Variants in TRIM14 observed in about 807,000 individuals in gnomAD.
TRIM14 encodes the protein tripartite motif-containing protein 14.
In TRIM14, 28 loss-of-function variants were observed where a neutral mutation model predicts 44.5. The observed-to-expected ratio is 0.63, with a 90% CI of 0.47 to 0.86. The LOEUF (loss-of-function observed/expected upper bound fraction) is 0.86. TRIM14 is among the 40% of genes least tolerant of loss of function. The pLI is 0.00. For missense variants in TRIM14, 607 were observed against 611.1 expected, an observed-to-expected ratio of 0.99 and a Z score of 0.07; for synonymous variants, 299 against 269.2, an observed-to-expected ratio of 1.11 and a Z score of -1.08.
downstream of TRIM14, among the ~76,000 whole-genome samples, chr9:98,065,008 G>A (rs535330228): frequency 1.0e-3 from 159 of 152,244 alleles, 2 homozygotes; most frequent in Non-Finnish European, 2.6e-4. Flanking sequence ...CTGCAACCTG[G>A]GGCAGGGGCC....
the TRIM14 span, among the ~76,000 whole-genome samples, chr9:98,043,238 C>T: frequency 6.6e-6 from 1 of 151,254 alleles, no homozygotes; most frequent in Non-Finnish European, 1.5e-5. Flanking sequence ...AGTGCAATGG[C>T]GCGATACTGG....
At chr9:98,039,047 TA>T in the TRIM14 span, among the ~76,000 whole-genome samples, 194 of 142,420 alleles carry the variant, frequency 1.4e-3, no homozygotes, top group African/African-American at 3.6e-3. Context: ...AGACTACGTC[TA>T]AAAAAAAAAA....
intron 5 of TRIM14, among the ~76,000 whole-genome samples, chr9:98,089,320 G>T (rs909600458): frequency 6.6e-6 from 1 of 152,138 alleles, no homozygotes; most frequent in Non-Finnish European, 1.5e-5. Flanking sequence ...AGGATTACAG[G>T]CACCTGCCAC....
rs367985551 is a variant in TRIM14 at position 98,103,048 on chromosome 9, G to A, written c.304-2884C>T. Among the ~76,000 whole-genome samples the A allele has an allele frequency of 3.5e-4, 53 of 152,044 alleles. 1 individual carries two copies. The highest frequency in any genetic ancestry group is 1.2e-3 in the African/African-American group (49 of 41,506). ...AAAAATACAAAAAAATTAGCCGGGC[G>A]TGTGGCGGGCGCCTGTAATCCCAGC... On this transcript the variant is annotated intron_variant, in intron 2 of 5. Transcript: ENST00000341469.
the TRIM14 span, among the ~76,000 whole-genome samples, chr9:98,050,230 A>T: frequency 1.3e-5 from 2 of 152,240 alleles, no homozygotes; most frequent in African/African-American, 4.8e-5. Context: ...GGCTGAACTT[A>T]AAATATATAA....
Position 98,088,011 on chromosome 9 carries a change from G to T in TRIM14, c.794-6C>A. 2.0e-6 allele frequency: 3 copies of T among 1,522,108 alleles called. No individual in the cohort carries two copies. The highest frequency in any genetic ancestry group is 2.6e-6 in the Non-Finnish European group (3 of 1,148,494). The allele number at this position is 1,522,108 out of a possible 1,614,324, so 94.3% of individuals were successfully genotyped here. A position where few individuals can be genotyped will look rare whatever the true frequency, so the allele number is the denominator to read the frequency against. On this transcript the variant is annotated splice_region_variant and splice_polypyrimidine_tract_variant and intron_variant, in intron 5 of 5. Coordinates refer to ENST00000341469, the MANE Select transcript of TRIM14 (RefSeq NM_014788.4). ...CAGCGTGGGCGTGCGCGCGTCTGCAGGGGGCGAGACAAGGGACGCACCTGG... is the reference window on the plus strand; with the variant it reads ...CAGCGTGGGCGTGCGCGCGTCTGCATGGGGCGAGACAAGGGACGCACCTGG...
the TRIM14 span, among the ~76,000 whole-genome samples, chr9:98,048,364 C>T: frequency 6.6e-6 from 1 of 152,142 alleles, no homozygotes; most frequent in African/African-American, 2.4e-5. Context: ...GGGCTCCACT[C>T]TAAAGCCAGT....
chr9:98,046,757 AAAAGATTTCCATATTTTT>A, the TRIM14 span, among the ~76,000 whole-genome samples: 8 of 152,184 alleles, frequency 5.3e-5, no homozygotes, highest in African/African-American at 1.9e-4. Flanking sequence ...GAAGAGTTTA[AAAAGATTTCCATATTTTT>A]ATTTAAAGCC....
intron 4 of TRIM14, among the ~76,000 whole-genome samples, chr9:98,093,944 C>T (rs190404091): frequency 2.0e-5 from 3 of 152,218 alleles, no homozygotes; most frequent in Non-Finnish European, 2.9e-5. Context: ...TGGGGTTTCA[C>T]CATGTTGGCC....
At chr9:98,078,177 G>A (rs757390996) in intron 6 of TRIM14, 1 of 1,614,016 alleles carries the variant, frequency 6.2e-7, no homozygotes, top group Non-Finnish European at 8.5e-7. Flanking sequence ...GATGGTGTTG[G>A]TGCTGGATTA....
intron 6 of TRIM14, chr9:98,076,838 T>C (rs1009145500): frequency 1.7e-6 from 2 of 1,167,942 alleles, no homozygotes; most frequent in African/African-American, 3.1e-5. Context: ...GTTTTTCTAC[T>C]TGTATGTTAT....
the TRIM14 span, among the ~76,000 whole-genome samples, chr9:98,044,482 T>TC: frequency 1.3e-5 from 2 of 149,982 alleles, no homozygotes; most frequent in South Asian, 4.2e-4. Flanking sequence ...CAAGCTATTC[T>TC]CCTGGTTCAG....
chr9:98,082,142 T>G (rs1395497110), downstream of TRIM14: 1 of 152,248 alleles, frequency 6.6e-6, no homozygotes, highest in Non-Finnish European at 1.5e-5. Context: ...GTCATGAGCT[T>G]CAGGTACCCT....
chr9:98,110,760 C>A (rs762515610), intron 1 of TRIM14, among the ~76,000 whole-genome samples: 4 of 151,780 alleles, frequency 2.6e-5, no homozygotes, highest in Non-Finnish European at 4.4e-5. Context: ...AATCCCAACA[C>A]TTTGGGAGGC....
chr9:98,044,810 A>G, the TRIM14 span, among the ~76,000 whole-genome samples: 1 of 152,020 alleles, frequency 6.6e-6, no homozygotes, highest in Non-Finnish European at 1.5e-5. Flanking sequence ...AATGGAGAAG[A>G]CCCTTTAGAA....
In TRIM14 at chr9:98,087,868, C is replaced by A; in HGVS notation, c.931G>T (p.Val311Leu). The A allele has an allele frequency of 6.4e-7, 1 of 1,566,404 alleles. No individual in the cohort carries two copies. Among genetic ancestry groups the A allele is most frequent in the Non-Finnish European group, 8.6e-7 (1 of 1,166,570 alleles). Residue 311 changes from valine (V) to leucine (L), a missense_variant, in exon 6 of 6, where the codon GTG (valine) becomes TTG (leucine). Coordinates refer to ENST00000341469, the MANE Select transcript of TRIM14 (RefSeq NM_014788.4). ...GTGGCGAAGCAGTCACGAGCCAGCA[C>A]TTGCCAGAGCGCGTCGAACCGCAGC... ...PVLRFDALWQVLARDCFATGR... is the reference protein window; with the variant it reads ...PVLRFDALWQLLARDCFATGR...
intron 6 of TRIM14, among the ~76,000 whole-genome samples, chr9:98,073,456 T>G (rs1829441586): frequency 6.6e-6 from 1 of 151,682 alleles, no homozygotes; most frequent in South Asian, 2.1e-4. Flanking sequence ...GGCTAATTTT[T>G]GTATTTTTAG....
chr9:98,054,454 T>C, the TRIM14 span, among the ~76,000 whole-genome samples: 503 of 151,968 alleles, frequency 3.3e-3, 20 homozygotes, highest in East Asian at 0.08. Flanking sequence ...GCTGAACCAA[T>C]TGGGAGAAGG....
chr9:98,062,763 C>T, the TRIM14 span, among the ~76,000 whole-genome samples: 14 of 145,068 alleles, frequency 9.7e-5, no homozygotes, highest in East Asian at 2.0e-4. Flanking sequence ...CTTTTGGATA[C>T]GGAAGTTATT....
Sources: allele counts gnomAD v4.1 joint callset (sites outside exome capture counted in the v4.1 genomes callset), GRCh38; gene constraint gnomAD v4.1.1; transcripts MANE v1.5; gene names NCBI Gene and HGNC (gene_info 2026-07-23, HGNC 2026-07-21).